CEP128: variants seen among roughly 807,000 people sequenced by gnomAD.
CEP128 encodes centrosomal protein 128kDa.
CEP128 carries 132 observed loss-of-function variants against 156.7 expected under a neutral mutation model. The observed-to-expected ratio is 0.84, with a 90% CI of 0.73 to 0.97. CEP128 has a LOEUF of 0.97. Ranked by LOEUF, CEP128 falls within the 50% of genes least tolerant of loss-of-function variation. CEP128 has a pLI of 0.00. For missense variants in CEP128, 1,252 were observed against 1,281.9 expected (o/e 0.98, Z 0.36); for synonymous variants, 469 against 448.9 (o/e 1.04, Z -0.57).
At position 80,740,449 on chromosome 14, in the gene CEP128, T is replaced by TACACACACACACAC. The variant is rs58752743; in HGVS notation, c.2806+2612_2806+2625dup. ...AAAACTAGTAAAATGTATATACACATACACACACACACACACACACACACA... is the reference window on the plus strand; with the variant it reads ...AAAACTAGTAAAATGTATATACACATACACACACACACACACACACACACACACACACACACACA... On this transcript the variant is annotated intron_variant, in intron 19 of 24. Transcript: ENST00000555265. Among the ~76,000 whole-genome samples the TACACACACACACAC allele has an allele frequency of 1.1e-3, 167 of 146,188 alleles. No homozygotes were observed. In the Middle Eastern group the frequency reaches 0.014, roughly 12 times the overall value.
At chr14:80,857,528 T>G (rs1887248757) in intron 9 of CEP128, among the ~76,000 whole-genome samples, 2 of 150,624 alleles carry the variant, frequency 1.3e-5, no homozygotes, top group Non-Finnish European at 3.0e-5. Flanking sequence ...AGGTCAGGAG[T>G]TTAAGACCAG....
At chr14:80,669,120 T>C (rs1895741870) in intron 19 of CEP128, among the ~76,000 whole-genome samples, 1 of 152,162 alleles carries the variant, frequency 6.6e-6, no homozygotes, top group African/African-American at 2.4e-5. Context: ...TGAAACGGTA[T>C]GGAGATTTCT....
At chr14:80,863,731 A>C (rs1232092534) in intron 8 of CEP128, among the ~76,000 whole-genome samples, 2 of 152,238 alleles carry the variant, frequency 1.3e-5, no homozygotes, top group East Asian at 3.8e-4. Context: ...TATGACAAAG[A>C]ATCAAGAAAA....
chr14:80,604,527 T>A (rs999500793), intron 19 of CEP128, among the ~76,000 whole-genome samples: 1 of 152,134 alleles, frequency 6.6e-6, no homozygotes, highest in African/African-American at 2.4e-5. Context: ...CTCCTAGCAT[T>A]ATCTGCAATG....
rs143315548 is a variant in CEP128, at chr14:80,715,048, C to G, written c.2806+28027G>C. On this transcript the variant is annotated intron_variant, in intron 19 of 24. Transcript: ENST00000555265. ...GACCAGCCTGGGCAACATGGTGAAA[C>G]TCCACATCTGCAAAAAATACAAAAA... 1.5e-3 allele frequency among the ~76,000 whole-genome samples: 226 copies of G among 152,176 alleles called. 3 individuals carry two copies. The East Asian group carries it at 0.04, about 27-fold the overall frequency.
chr14:80,707,399 A>C (rs1284509800), intron 19 of CEP128, among the ~76,000 whole-genome samples: 4 of 152,106 alleles, frequency 2.6e-5, no homozygotes, highest in Non-Finnish European at 5.9e-5. Context: ...CTAGTTTTTG[A>C]TAGCTTCCTT....
In CEP128 at chr14:80,851,649, TA is replaced by T. The variant is rs574209957; in HGVS notation, c.763-10882del. The stretch of plus-strand genomic sequence containing the variant: ...GGGAAAAAGAAACAAAAAGAGAAGT[TA>T]AAAAAAAATAAATAAGATAAAAACA... On this transcript the variant is annotated intron_variant, in intron 9 of 24. Coordinates refer to ENST00000555265, the MANE Select transcript of CEP128 (RefSeq NM_152446.5). Among the ~76,000 whole-genome samples the T allele has an allele frequency of 1.5e-3, 220 of 150,138 alleles. 6 individuals carry two copies. The highest frequency in any genetic ancestry group is 2.5e-3 in the East Asian group (13 of 5,144).
intron 9 of CEP128, among the ~76,000 whole-genome samples, chr14:80,857,644 G>A (rs1219291868): frequency 6.6e-6 from 1 of 151,720 alleles, no homozygotes; most frequent in Non-Finnish European, 1.5e-5. Flanking sequence ...GGGAGGCTGA[G>A]GTGGCAGAAT....
rs1031417983 is a variant in CEP128, at chr14:80,860,242, T to C, written c.762+2515A>G. 5.3e-5 allele frequency among the ~76,000 whole-genome samples: 8 copies of C among 152,232 alleles called. No homozygotes were observed. In the South Asian group the frequency reaches 1.7e-3, roughly 31 times the overall value. ...TTCCTAGCTTCCACTACTCTGTTTA[T>C]AATCTAAAACCACTTTTTAAAAACG... On this transcript the variant is annotated intron_variant, in intron 9 of 24. Coordinates refer to ENST00000555265, the MANE Select transcript of CEP128 (RefSeq NM_152446.5).
intron 19 of CEP128, among the ~76,000 whole-genome samples, chr14:80,630,070 A>G (rs1427263317): frequency 1.3e-5 from 2 of 151,916 alleles, no homozygotes; most frequent in African/African-American, 2.4e-5. Flanking sequence ...AGATGATATT[A>G]TCATATAACT....
Position 80,761,498 on chromosome 14 carries a change from A to G in CEP128, c.2492T>C (p.Ile831Thr). The G allele has an allele frequency of 1.9e-6, 3 of 1,612,428 alleles. No individual in the cohort carries two copies. The highest frequency in any genetic ancestry group is 3.3e-5 in the Admixed American group (2 of 59,974). Residue 831 changes from isoleucine (I) to threonine (T), a missense_variant, in exon 17 of 25, where the codon ATA becomes ACA. Transcript: ENST00000555265. ...ACAAGCTGCATCAATTTCCTTTCCT[A>G]TCACACCAAGAATGGATTCCTGTTC... ...ETEQESILGV[I>T]GKEIDAACKT...
chr14:80,785,466 T>C lies in CEP128; in HGVS notation c.1640A>G (p.Asn547Ser), dbSNP rs1901356417. 1 of 1,613,842 alleles carries C rather than the reference T, an allele frequency of 6.2e-7. No individual in the cohort carries two copies. The change falls in exon 15 of 25, where the codon AAT (asparagine) becomes AGT (serine). Residue 547 changes from asparagine to serine, a missense_variant. Physicochemically the swap from Asn to Ser is conservative, Grantham distance 46 (BLOSUM62 1). Transcript: ENST00000555265. The stretch of plus-strand genomic sequence containing the variant: ...AAGGGCACGCTTTGTTAGGACATCA[T>C]TCAATTCCTTTCGAAGATTCTCTAT... Reference protein sequence around the residue: ...QQIENLRKELNDVLTKRALQE... With the variant: ...QQIENLRKELSDVLTKRALQE...
chr14:80,589,213 C>G (rs1261212889), intron 19 of CEP128, among the ~76,000 whole-genome samples: 5 of 152,054 alleles, frequency 3.3e-5, no homozygotes, highest in Non-Finnish European at 5.9e-5. Context: ...GGCAGCCCAG[C>G]TGACATCTTG....
chr14:80,577,437 A>G (rs544940627), intron 20 of CEP128, among the ~76,000 whole-genome samples: 1 of 152,312 alleles, frequency 6.6e-6, no homozygotes, highest in East Asian at 1.9e-4. Context: ...GAGCACAACT[A>G]TCTGTGAAGT....
intron 2 of CEP128, 37 bp downstream of exon 2, chr14:80,939,348 G>T (rs185827135): frequency 2.3e-4 from 35 of 150,834 alleles, no homozygotes; most frequent in African/African-American, 8.5e-4. Context: ...TGCAAAAAAT[G>T]TGTTATCTCA....
chr14:80,853,377 A>G lies in CEP128; in HGVS notation c.762+9380T>C, dbSNP rs193256290. Among the ~76,000 whole-genome samples, 700 of 152,050 alleles carry G rather than the reference A, an allele frequency of 4.6e-3. 8 individuals carry two copies. Among genetic ancestry groups the G allele is most frequent in the African/African-American group, 0.016 (675 of 41,560 alleles). On this transcript the variant is annotated intron_variant, in intron 9 of 24. Transcript: ENST00000555265. ...TTTCAAATGATATGATTATCTATAC[A>G]CTAAGATAGTATGTCAGTAAAGCTA...
At chr14:80,830,380 A>G (rs1373711772) in intron 13 of CEP128, 4 of 400,716 alleles carry the variant, frequency 1.0e-5, no homozygotes, top group Non-Finnish European at 1.8e-5. Context: ...TCTACCTTTC[A>G]TTTTAATTTT....
chr14:80,547,439 G>A (rs1170223621), intron 21 of CEP128, among the ~76,000 whole-genome samples: 2 of 152,164 alleles, frequency 1.3e-5, no homozygotes, highest in Non-Finnish European at 2.9e-5. Flanking sequence ...AAAGAATGCT[G>A]TGTTGCTAAT....
At chr14:80,781,328 G>A (rs546150996) in intron 15 of CEP128, among the ~76,000 whole-genome samples, 27 of 152,012 alleles carry the variant, frequency 1.8e-4, no homozygotes, top group East Asian at 9.7e-4. Context: ...GTGGTGGTGC[G>A]CACCTGTAGT....
Sources: allele counts gnomAD v4.1 joint callset (sites outside exome capture counted in the v4.1 genomes callset), GRCh38; gene constraint gnomAD v4.1.1; transcripts MANE v1.5; gene names NCBI Gene and HGNC (gene_info 2026-07-23, HGNC 2026-07-21).